Variants in HERC1 observed in about 807,000 individuals in gnomAD.
HERC1 encodes HECT and RLD domain containing E3 ubiquitin protein ligase family member 1, also known as probable E3 ubiquitin-protein ligase HERC1.
HERC1 carries 160 observed loss-of-function variants against 554.3 expected under a neutral mutation model. The ratio of observed to expected loss-of-function variants is 0.29; its 90% CI spans 0.25 to 0.33. HERC1 has a LOEUF of 0.33. HERC1 is among the 10% of genes least tolerant of loss of function. The probability of loss-of-function intolerance (pLI) is 1.00; values close to 1 mark genes in which losing one functional copy is unlikely to be tolerated. For missense variants in HERC1, 4,919 were observed against 5,918.5 expected, an observed-to-expected ratio of 0.83 and a Z score of 5.54; for synonymous variants, 2,175 against 2,131.7, an observed-to-expected ratio of 1.02 and a Z score of -0.56.
At chr15:63,659,445 G>T (rs2070235256) in intron 47 of HERC1, among the ~76,000 whole-genome samples, 1 of 151,924 alleles carries the variant, frequency 6.6e-6, no homozygotes, top group African/African-American at 2.4e-5. Flanking sequence ...ATAGAAATGG[G>T]TCTCACCATG....
chr15:63,695,114 C>A (rs1292198306), intron 27 of HERC1, among the ~76,000 whole-genome samples: 1 of 152,146 alleles, frequency 6.6e-6, no homozygotes, highest in African/African-American at 2.4e-5. Context: ...TGGCTCACTG[C>A]AACCTCTGCC....
chr15:63,647,210 C>T (rs540898028), intron 55 of HERC1, among the ~76,000 whole-genome samples: 110 of 151,498 alleles, frequency 7.3e-4, no homozygotes, highest in Admixed American at 1.6e-3. Flanking sequence ...GCCAAGATCG[C>T]GCCACTGCAC....
At chr15:63,813,311 G>GAC (rs10534978) in intron 1 of HERC1, among the ~76,000 whole-genome samples, 5,322 of 139,534 alleles carry the variant, frequency 0.038, 135 homozygotes, top group African/African-American at 0.061. Context: ...ATCAGAGATG[G>GAC]ACACACACAC....
In HERC1 at chr15:63,677,871, T is replaced by C. The variant is rs1307988215; in HGVS notation, c.7044A>G (p.Gln2348=). 1.2e-6 allele frequency: 2 copies of C among 1,613,810 alleles called. No individual in the cohort carries two copies. Among genetic ancestry groups the C allele is most frequent in the Non-Finnish European group, 1.7e-6 (2 of 1,179,840 alleles). Reference sequence around the variant, plus strand: ...TGATAGTAATTTCTGCTTCATCCCATTGGACCTTGGCAGACGTGCTGCCCT... The same window carrying C: ...TGATAGTAATTTCTGCTTCATCCCACTGGACCTTGGCAGACGTGCTGCCCT... ...VKEGSTSAKV[Q]WDEAEITISF... The change falls in exon 37 of 78, where the codon CAA becomes CAG. Residue 2348 remains glutamine (Q), a synonymous_variant. Coordinates refer to ENST00000443617, the MANE Select transcript of HERC1 (RefSeq NM_003922.4). The surrounding 1 kb of genome is among the most constrained non-coding windows in gnomAD (Gnocchi z 4.4).
At chr15:63,830,791 G>C (rs955165629) in intron 1 of HERC1, among the ~76,000 whole-genome samples, 1 of 152,102 alleles carries the variant, frequency 6.6e-6, no homozygotes, top group Non-Finnish European at 1.5e-5. Flanking sequence ...ATATCTTCTT[G>C]CTCAAGGATC....
intron 10 of HERC1, among the ~76,000 whole-genome samples, chr15:63,748,450 C>G (rs765917201): frequency 1.3e-5 from 2 of 152,174 alleles, no homozygotes; most frequent in Admixed American, 6.5e-5. Context: ...TCTACTAAAG[C>G]CCCTCTGGTT....
chr15:63,714,851 G>A (rs2073476479), intron 22 of HERC1, among the ~76,000 whole-genome samples: 1 of 151,982 alleles, frequency 6.6e-6, no homozygotes, highest in Admixed American at 6.6e-5. Context: ...CTGGCCCAAA[G>A]ACGGTATTCT....
chr15:63,643,587 G>T, intron 57 of HERC1, 37 bp from the exon 58 acceptor site: 1 of 1,438,100 alleles, frequency 7.0e-7, no homozygotes, highest in Non-Finnish European at 9.4e-7. Flanking sequence ...TTAAAATAAA[G>T]ATAAATTATA....
intron 26 of HERC1, among the ~76,000 whole-genome samples, chr15:63,697,768 T>C (rs1048238943): frequency 5.9e-5 from 9 of 152,164 alleles, no homozygotes; most frequent in African/African-American, 2.2e-4. Flanking sequence ...CTTAATCATT[T>C]AGTTAAGGCA....
intron 36 of HERC1, among the ~76,000 whole-genome samples, chr15:63,679,561 A>G (rs1176388139): frequency 6.6e-6 from 1 of 152,190 alleles, no homozygotes; most frequent in Non-Finnish European, 1.5e-5. Flanking sequence ...GGGAGATCAC[A>G]AAGGTTTTCT....
At chr15:63,779,992 G>A (rs1465348934) in intron 1 of HERC1, 4 of 111,958 alleles carry the variant, frequency 3.6e-5, no homozygotes, top group African/African-American at 1.1e-4. Context: ...CCAGCCTGGC[G>A]ACAGAGGGAG....
At chr15:63,709,982 T>C (rs1292882657) in intron 24 of HERC1, among the ~76,000 whole-genome samples, 1 of 152,146 alleles carries the variant, frequency 6.6e-6, no homozygotes, top group Non-Finnish European at 1.5e-5. Flanking sequence ...CAAGGAAGCC[T>C]AGGAGAACTT....
At chr15:63,770,312 G>T (rs55955845) in intron 2 of HERC1, among the ~76,000 whole-genome samples, 1 of 151,946 alleles carries the variant, frequency 6.6e-6, no homozygotes, top group African/African-American at 2.4e-5. Flanking sequence ...TTTGCCTCCC[G>T]CCCTCTTCTT....
chr15:63,775,526 C>A lies in HERC1; in HGVS notation c.98G>T (p.Gly33Val). ...EDSESIATRE[G>V]VAVLYSKLVS... is the part of the protein sequence containing the mutation. ...CAGTTTAGAATACAGAACAGCAACT[C>A]CCTCTCTTGTAGCAATAGATTCACT... is the stretch of plus-strand genomic sequence containing the variant. Residue 33 changes from glycine to valine, a missense_variant, in exon 2 of 78, where the codon GGA becomes GTA. Coordinates refer to ENST00000443617, the MANE Select transcript of HERC1 (RefSeq NM_003922.4). The surrounding 1 kb of genome is among the most constrained non-coding windows in gnomAD (Gnocchi z 4.0). 6.2e-7 allele frequency: 1 copy of A among 1,613,940 alleles called. No homozygotes were observed. The highest frequency in any genetic ancestry group is 8.5e-7 in the Non-Finnish European group (1 of 1,179,840).
rs1161561777 is a variant in HERC1, at chr15:63,643,306, CT to C, written c.11331+97del. On this transcript the variant is annotated intron_variant, in intron 58 of 77. Coordinates refer to ENST00000443617, the MANE Select transcript of HERC1 (RefSeq NM_003922.4). ...AGTTTCCTCAGTATTCAAGAGATTACTATATAAAATGTTTCTACAATTGGTT... is the reference window on the plus strand; with the variant it reads ...AGTTTCCTCAGTATTCAAGAGATTACATATAAAATGTTTCTACAATTGGTT... The C allele has an allele frequency of 7.5e-6, 8 of 1,060,676 alleles. No individual in the cohort carries two copies. In the Admixed American group the frequency reaches 2.2e-4, roughly 29 times the overall value. 65.7% of individuals were successfully genotyped at this position (1,060,676 alleles called of 1,614,324 possible).
chr15:63,830,091 T>C (rs1432728905), intron 1 of HERC1, among the ~76,000 whole-genome samples: 16 of 152,166 alleles, frequency 1.1e-4, no homozygotes, highest in Admixed American at 1.0e-3. Flanking sequence ...GATCTACCAA[T>C]GGATGTTAAA....
chr15:63,791,035 C>T (rs896470499), intron 1 of HERC1, among the ~76,000 whole-genome samples: 18 of 152,098 alleles, frequency 1.2e-4, no homozygotes, highest in African/African-American at 4.3e-4. Context: ...CTGTATCTAT[C>T]ACGCTTCTAA....
intron 25 of HERC1, among the ~76,000 whole-genome samples, chr15:63,705,161 C>T (rs2072936866): frequency 6.7e-6 from 1 of 150,238 alleles, no homozygotes; most frequent in African/African-American, 2.4e-5. Flanking sequence ...TCTCTGTATT[C>T]TTTTTTTTTG....
In HERC1 at chr15:63,775,222, C is replaced by T. The variant is rs764594821; in HGVS notation, c.402G>A (p.Pro134=). ...KGKVKQQQHS[P]ESSSGSADVH... is the part of the protein sequence containing the mutation. ...CATCTGCTGAACCAGAACTGCTCTC[C>T]GGAGAATGCTGCTGCTGCTTCACCT... Residue 134 remains proline (P), a synonymous_variant, in exon 2 of 78, where the codon CCG becomes CCA. Transcript: ENST00000443617. This position sits in a 1 kb window ranked among gnomAD's most constrained non-coding sequence, Gnocchi z 4.0. 35 of 1,613,866 alleles carry T rather than the reference C, an allele frequency of 2.2e-5. No individual in the cohort carries two copies. Among genetic ancestry groups the T allele is most frequent in the East Asian group, 4.5e-5 (2 of 44,902 alleles).
Sources: gnomAD v4.1 joint callset for allele counts (sites outside exome capture counted in the v4.1 genomes callset) on GRCh38, gnomAD v4.1.1 for gene constraint, Gnocchi (gnomAD v3.1) non-coding constraint, MANE v1.5 for transcripts, NCBI Gene and HGNC (gene_info 2026-07-23, HGNC 2026-07-21) for gene names.